The following P4HA1 variants were observed in gnomAD, a reference collection of about 807,000 sequenced individuals.
The protein encoded by P4HA1 is prolyl 4-hydroxylase subunit alpha-1.
In P4HA1, 24 loss-of-function variants were observed where a neutral mutation model predicts 72.8. That is an observed-to-expected ratio of 0.33 (90% confidence interval 0.24 to 0.46). The LOEUF is 0.46. P4HA1 is among the 20% of genes least tolerant of loss of function. The pLI is 1.00. For missense variants in P4HA1, 446 were observed against 640.6 expected (o/e 0.70, Z 3.28); for synonymous variants, 201 against 218.8 (o/e 0.92, Z 0.72).
chr10:73,008,745 T>C (rs536988352), intron 14 of P4HA1, among the ~76,000 whole-genome samples: 12 of 152,290 alleles, frequency 7.9e-5, no homozygotes, highest in Admixed American at 5.2e-4. Flanking sequence ...ACCATTGCTA[T>C]TGTATGCTCA....
rs1331331995 is a variant in P4HA1, at chr10:73,047,243, C to A, written c.901-142G>T. ...AACATACAAAAGAAGCAGTACTCTG[C>A]AAATATTTTGCCTCAAACAGGATGT... On this transcript the variant is annotated intron_variant, in intron 7 of 14. Transcript: ENST00000394890. 7.6e-6 allele frequency: 5 copies of A among 653,934 alleles called. No homozygotes were observed. The African/African-American group carries it at 9.2e-5, about 12-fold the overall frequency. 40.5% of individuals were successfully genotyped at this position (653,934 alleles called of 1,614,324 possible). A position where few individuals can be genotyped will look rare whatever the true frequency, so the allele number is the denominator to read the frequency against.
At chr10:73,068,255 C>A (rs111347578) in intron 5 of P4HA1, among the ~76,000 whole-genome samples, 2 of 152,150 alleles carry the variant, frequency 1.3e-5, no homozygotes, top group African/African-American at 4.8e-5. Context: ...TGTGAAGACA[C>A]AGACAACATA....
At position 73,008,117 on chromosome 10, in the gene P4HA1, T is replaced by C. The variant is rs1839832698; in HGVS notation, c.*105A>G. The C allele has an allele frequency of 4.4e-6, 3 of 674,956 alleles. No homozygotes were observed. In the East Asian group the frequency reaches 7.6e-5, roughly 17 times the overall value. 41.8% of individuals were successfully genotyped at this position (674,956 alleles called of 1,614,324 possible). On this transcript the variant is annotated 3_prime_UTR_variant, in exon 15 of 15. Coordinates refer to ENST00000394890, the MANE Select transcript of P4HA1 (RefSeq NM_001017962.3). ...GGGATGAGGTTCATGACTGAATCAA[T>C]CATGGAGTGTTAGTCAATTGTAAAC...
chr10:73,068,018 T>C (rs534155842), intron 5 of P4HA1, among the ~76,000 whole-genome samples: 2 of 152,356 alleles, frequency 1.3e-5, no homozygotes, highest in South Asian at 2.1e-4. Flanking sequence ...AAAAGCGTTA[T>C]AATGTATAAT....
intron 3 of P4HA1, 45 bp from the exon 4 acceptor site, chr10:73,072,225 GA>G (rs891543423): frequency 6.8e-7 from 1 of 1,475,888 alleles, no homozygotes; most frequent in Non-Finnish European, 9.3e-7. Flanking sequence ...ATTTCATAGG[GA>G]AAAACACAAT....
intron 9 of P4HA1, among the ~76,000 whole-genome samples, chr10:73,036,021 T>C (rs962222612): frequency 1.3e-5 from 2 of 151,932 alleles, no homozygotes; most frequent in Non-Finnish European, 2.9e-5. Flanking sequence ...AAACCCCGCC[T>C]CCACTAAAAA....
chr10:73,062,439 A>G (rs1841333485), intron 5 of P4HA1, among the ~76,000 whole-genome samples: 1 of 152,196 alleles, frequency 6.6e-6, no homozygotes, highest in South Asian at 2.1e-4. Context: ...GACTTCTCCA[A>G]CAACATTTCT....
At chr10:73,085,010 A>G (rs1841897234) in intron 1 of P4HA1, among the ~76,000 whole-genome samples, 1 of 152,106 alleles carries the variant, frequency 6.6e-6, no homozygotes, top group African/African-American at 2.4e-5. Flanking sequence ...GCATGGTGGC[A>G]TGCTCCTATA....
At chr10:73,088,021 T>G (rs1325520446) in intron 1 of P4HA1, among the ~76,000 whole-genome samples, 2 of 152,186 alleles carry the variant, frequency 1.3e-5, no homozygotes, top group Non-Finnish European at 2.9e-5. Flanking sequence ...CTATGTTTTC[T>G]TTCAAATATT....
chr10:73,031,598 T>C (rs569570985), intron 9 of P4HA1, among the ~76,000 whole-genome samples: 41 of 151,476 alleles, frequency 2.7e-4, no homozygotes, highest in African/African-American at 7.5e-4. Flanking sequence ...GACAAATCAA[T>C]AGATAATAGA....
intron 9 of P4HA1, among the ~76,000 whole-genome samples, chr10:73,036,017 C>T (rs1210870370): frequency 2.0e-5 from 3 of 151,910 alleles, no homozygotes; most frequent in Non-Finnish European, 2.9e-5. Context: ...GGTGAAACCC[C>T]GCCTCCACTA....
chr10:73,060,453 G>C (rs1191469494), intron 5 of P4HA1, among the ~76,000 whole-genome samples: 1 of 152,182 alleles, frequency 6.6e-6, no homozygotes, highest in East Asian at 1.9e-4. Context: ...AAAACCTGTA[G>C]TCCCAGCTAC....
intron 2 of P4HA1, among the ~76,000 whole-genome samples, chr10:73,074,510 G>C (rs943255453): frequency 1.3e-5 from 2 of 151,930 alleles, no homozygotes; most frequent in African/African-American, 4.8e-5. Context: ...AAAAACTTGT[G>C]TTCACAGTAG....
chr10:73,009,763 A>G (rs1839872269), intron 14 of P4HA1, 44 bp downstream of exon 14: 5 of 1,143,052 alleles, frequency 4.4e-6, no homozygotes, highest in Non-Finnish European at 6.6e-6. Flanking sequence ...CCAAAATAAG[A>G]AACAAAAATT....
At chr10:73,077,768 C>A in intron 1 of P4HA1, among the ~76,000 whole-genome samples, 1 of 151,066 alleles carries the variant, frequency 6.6e-6, no homozygotes, top group East Asian at 1.9e-4. Flanking sequence ...ATCACTTGAG[C>A]TCAGGAGTTT....
At chr10:73,027,850 G>C (rs1045473419) in intron 10 of P4HA1, among the ~76,000 whole-genome samples, 1 of 127,574 alleles carries the variant, frequency 7.8e-6, no homozygotes, top group Non-Finnish European at 1.7e-5. Flanking sequence ...GGGAGGGAGA[G>C]AGGAGGGGAG....
chr10:73,069,932 TC>T (rs1841513244), intron 4 of P4HA1, among the ~76,000 whole-genome samples: 1 of 151,516 alleles, frequency 6.6e-6, no homozygotes, highest in African/African-American at 2.4e-5. Flanking sequence ...TGCCTCAGCC[TC>T]CCAGTAGCTG....
In P4HA1 at chr10:73,028,232, G is replaced by GAA. The variant is rs144539052; in HGVS notation, c.1248+2037_1248+2038dup. Among the ~76,000 whole-genome samples, 30 of 137,814 alleles carry GAA rather than the reference G, an allele frequency of 2.2e-4. No homozygotes were observed. In the South Asian group the frequency reaches 5.5e-3, roughly 25 times the overall value. The allele number at this position is 137,814 out of a possible 152,430, so 90.4% of individuals were successfully genotyped here. A position where few individuals can be genotyped will look rare whatever the true frequency, so the allele number is the denominator to read the frequency against. On this transcript the variant is annotated intron_variant, in intron 10 of 14. Transcript: ENST00000394890. ...AAAAGCTTTCATAATTTTGAGATAG[G>GAA]AAAAAAAAACAGAAGAAAAGACCAC...
intron 5 of P4HA1, among the ~76,000 whole-genome samples, chr10:73,058,490 C>T (rs1378321672): frequency 6.6e-6 from 1 of 152,194 alleles, no homozygotes; most frequent in South Asian, 2.1e-4. Flanking sequence ...TTTGTCCCTA[C>T]AGAGCATGTA....
Sources: gnomAD v4.1 joint callset for allele counts (sites outside exome capture counted in the v4.1 genomes callset) on GRCh38, gnomAD v4.1.1 for gene constraint, MANE v1.5 for transcripts, NCBI Gene and HGNC (gene_info 2026-07-23, HGNC 2026-07-21) for gene names.